CDC20B: variants seen among roughly 807,000 people sequenced by gnomAD.
The protein encoded by CDC20B is cell division cycle protein 20 homolog B.
In CDC20B, 58 loss-of-function variants were observed where a neutral mutation model predicts 64.1. The ratio of observed to expected loss-of-function variants is 0.90; its 90% CI spans 0.73 to 1.13. The LOEUF (loss-of-function observed/expected upper bound fraction) is 1.13, where lower values mean the gene tolerates loss of function less well. Among genes scored for constraint, CDC20B ranks in the 50% most tolerant of loss-of-function variants. CDC20B has a pLI of 0.00. For missense variants in CDC20B, 597 were observed against 633.0 expected, an observed-to-expected ratio of 0.94 and a Z score of 0.61; for synonymous variants, 243 against 230.6, an observed-to-expected ratio of 1.05 and a Z score of -0.49.
intron 8 of CDC20B, among the ~76,000 whole-genome samples, chr5:55,126,798 C>T (rs1271272384): frequency 6.6e-6 from 1 of 152,166 alleles, no homozygotes; most frequent in African/African-American, 2.4e-5. Flanking sequence ...GATTCTGATA[C>T]ATGTTCTAGT....
chr5:55,144,229 G>C (rs1364871093), intron 3 of CDC20B, among the ~76,000 whole-genome samples: 1 of 152,088 alleles, frequency 6.6e-6, no homozygotes, highest in Non-Finnish European at 1.5e-5. Flanking sequence ...GATAGTTTAA[G>C]ATGGCATCAG....
At chr5:55,127,111 G>A in intron 8 of CDC20B, 146 bp downstream of exon 8, 1 of 658,744 alleles carries the variant, frequency 1.5e-6, no homozygotes, top group South Asian at 1.9e-5. Context: ...TACCTGAGAG[G>A]GTGGGATCAT....
rs2111857626 is a variant in CDC20B, at chr5:55,137,991, A to G, written c.580+2323T>C. Among the ~76,000 whole-genome samples the G allele has an allele frequency of 1.3e-5, 2 of 152,200 alleles. 1 individual carries two copies. Among genetic ancestry groups the G allele is most frequent in the South Asian group, 4.2e-4 (2 of 4,816 alleles). On this transcript the variant is annotated intron_variant, in intron 5 of 11. Transcript: ENST00000381375. The stretch of plus-strand genomic sequence containing the variant: ...AGGTGGGTTAGTTAAAAGACTGTCA[A>G]GTTCCCACACATACACACACACCCT...
chr5:55,137,728 G>A (rs1743221276), intron 5 of CDC20B: 1 of 454,838 alleles, frequency 2.2e-6, no homozygotes, highest in Admixed American at 2.4e-5. Flanking sequence ...TTCAACCTAA[G>A]TACAGCAAAT....
In CDC20B at chr5:55,128,339, T is replaced by C. The variant is rs1742944999; in HGVS notation, c.894+82A>G. The C allele has an allele frequency of 1.6e-5, 18 of 1,110,862 alleles. No homozygotes were observed. In the South Asian group the frequency reaches 2.1e-4, roughly 13 times the overall value. 68.8% of individuals were successfully genotyped at this position (1,110,862 alleles called of 1,614,324 possible). ...AGAGCCACACCTAGTTTCTCTATTTTACATTAACTTGTTATTAAAAGTCAA... is the reference window on the plus strand; with the variant it reads ...AGAGCCACACCTAGTTTCTCTATTTCACATTAACTTGTTATTAAAAGTCAA... On this transcript the variant is annotated intron_variant, in intron 7 of 11. Transcript: ENST00000381375.
Position 55,128,558 on chromosome 5 carries a change from C to G in CDC20B, c.757G>C (p.Val253Leu), listed in dbSNP as rs538227599. 1 of 1,601,702 alleles carries G rather than the reference C, an allele frequency of 6.2e-7. No individual in the cohort carries two copies. The highest frequency in any genetic ancestry group is 1.1e-5 in the South Asian group (1 of 88,030). Residue 253 changes from valine (V) to leucine (L), a missense_variant, in exon 7 of 12, where the codon GTA (valine) becomes CTA (leucine). Physicochemically the swap from Val to Leu is conservative, Grantham distance 32. This residue lies in a region of CDC20B where 353 missense variants were observed against 397.0 expected (regional missense o/e 0.89). Coordinates refer to ENST00000381375, the MANE Select transcript of CDC20B (RefSeq NM_001170402.1). Reference protein sequence around the residue: ...NLVAIALGSAVYIWNGENHNG... With the variant: ...NLVAIALGSALYIWNGENHNG... ...TGGTTCTCCCCATTCCAGATGTATA[C>G]AGCAGAGCCCAGGGCTATGGCAACA...
chr5:55,159,329 A>G (rs1185004051), intron 2 of CDC20B, among the ~76,000 whole-genome samples: 1 of 152,056 alleles, frequency 6.6e-6, no homozygotes, highest in African/African-American at 2.4e-5. Context: ...AGTTTTTTCC[A>G]TCTACAGGTT....
chr5:55,124,991 G>A lies in CDC20B; in HGVS notation c.1027C>T (p.Arg343Trp), dbSNP rs368819650. 18 of 1,613,622 alleles carry A rather than the reference G, an allele frequency of 1.1e-5. No homozygotes were observed. Among genetic ancestry groups the A allele is most frequent in the South Asian group, 3.3e-5 (3 of 91,060 alleles). The change falls in exon 9 of 12, where the codon CGG (arginine) becomes TGG (tryptophan). Residue 343 changes from arginine to tryptophan, a missense_variant. By Grantham distance (101) the Arg-to-Trp change is moderately radical (BLOSUM62 -3). Coordinates refer to ENST00000381375, the MANE Select transcript of CDC20B (RefSeq NM_001170402.1). ...RLGRVYHHDV[R>W]VAQHHVGTLR... ...GTTCCAACATGATGCTGGGCTACCCGAACATCGTGATGATAAACACGCCCC... is the reference window on the plus strand; with the variant it reads ...GTTCCAACATGATGCTGGGCTACCCAAACATCGTGATGATAAACACGCCCC...
intron 2 of CDC20B, among the ~76,000 whole-genome samples, chr5:55,159,856 A>G (rs1231583369): frequency 6.6e-6 from 1 of 152,232 alleles, no homozygotes; most frequent in Non-Finnish European, 1.5e-5. Flanking sequence ...ACAGCTTAGC[A>G]TGGGGAATGA....
At position 55,133,441 on chromosome 5, in the gene CDC20B, A is replaced by G. The variant is rs1367374428; in HGVS notation, c.668T>C (p.Ile223Thr). Residue 223 changes from isoleucine (I) to threonine (T), a missense_variant, in exon 6 of 12, where the codon ATT (isoleucine) becomes ACT (threonine). Ile to Thr is a moderately conservative substitution (Grantham distance 89). Coordinates refer to ENST00000381375, the MANE Select transcript of CDC20B (RefSeq NM_001170402.1). ...GTCATTTCGAAGACCAGTAATATGA[A>G]TCTTCACCTCTGGTTGGAGTATGGA... ...NDSILQPEVK[I>T]HITGLRNDYY... 2 of 1,570,882 alleles carry G rather than the reference A, an allele frequency of 1.3e-6. No homozygotes were observed. Among genetic ancestry groups the G allele is most frequent in the East Asian group, 4.5e-5 (2 of 44,230 alleles).
chr5:55,170,068 C>G (rs368209113), intron 2 of CDC20B, among the ~76,000 whole-genome samples: 20 of 151,902 alleles, frequency 1.3e-4, no homozygotes, highest in East Asian at 1.2e-3. Flanking sequence ...GAGCCGAGAT[C>G]GCGCCACTGT....
At chr5:55,140,766 A>AT (rs1393288694) in intron 4 of CDC20B, among the ~76,000 whole-genome samples, 1 of 152,136 alleles carries the variant, frequency 6.6e-6, no homozygotes, top group Non-Finnish European at 1.5e-5. Context: ...GGCCATCTTA[A>AT]GGTCCTTTTT....
At chr5:55,172,873 T>C (rs1056071947) in intron 1 of CDC20B, 65 bp downstream of exon 1, 1 of 1,456,450 alleles carries the variant, frequency 6.9e-7, no homozygotes, top group Admixed American at 2.3e-5. Flanking sequence ...AAACAGATAT[T>C]ATGAACGGGG....
chr5:55,154,552 A>G (rs2111912012), intron 2 of CDC20B, among the ~76,000 whole-genome samples: 1 of 152,234 alleles, frequency 6.6e-6, no homozygotes, highest in South Asian at 2.1e-4. Flanking sequence ...ACCCAAAAGG[A>G]ACTGTCTTCA....
chr5:55,143,898 C>T (rs1411411850), intron 3 of CDC20B, among the ~76,000 whole-genome samples: 1 of 151,712 alleles, frequency 6.6e-6, no homozygotes, highest in Non-Finnish European at 1.5e-5. Flanking sequence ...AATGAGAAAG[C>T]TGTCTCAGTG....
intron 5 of CDC20B, among the ~76,000 whole-genome samples, chr5:55,136,248 A>C (rs1037351228): frequency 4.7e-5 from 7 of 149,032 alleles, no homozygotes; most frequent in Non-Finnish European, 4.5e-5. Context: ...GCCCAGCCCC[A>C]AAAAATATTT....
chr5:55,169,764 T>G (rs892268374), intron 2 of CDC20B, among the ~76,000 whole-genome samples: 1 of 152,208 alleles, frequency 6.6e-6, no homozygotes, highest in African/African-American at 2.4e-5. Context: ...TTCCCTTCAG[T>G]TGGTACACAC....
At position 55,113,217 on chromosome 5, in the gene CDC20B, T is replaced by A. The variant is rs1325540736; in HGVS notation, c.*1001A>T. On this transcript the variant is annotated 3_prime_UTR_variant, in exon 12 of 12. Transcript: ENST00000381375. The stretch of plus-strand genomic sequence containing the variant: ...AAAGTCTTAATATAGGAGATGAATG[T>A]GAATTAACATTCAAAAGACAGAACA... The A allele has an allele frequency of 6.6e-6, 1 of 152,218 alleles. No individual in the cohort carries two copies. Among genetic ancestry groups the A allele is most frequent in the Non-Finnish European group, 1.5e-5 (1 of 68,050 alleles). 9.4% of individuals were successfully genotyped at this position (152,218 alleles called of 1,614,324 possible). A position where few individuals can be genotyped will look rare whatever the true frequency, so the allele number is the denominator to read the frequency against.
Position 55,120,391 on chromosome 5 carries a change from C to A in CDC20B, c.1341+34G>T. On this transcript the variant is annotated intron_variant, in intron 10 of 11. Coordinates refer to ENST00000381375, the MANE Select transcript of CDC20B (RefSeq NM_001170402.1). ...CTATTTTCACAAGATTCCAGAAGATCAAAATGAAGATGAAGCCCAGAGGAG... is the reference window on the plus strand; with the variant it reads ...CTATTTTCACAAGATTCCAGAAGATAAAAATGAAGATGAAGCCCAGAGGAG... 3 of 1,611,716 alleles carry A rather than the reference C, an allele frequency of 1.9e-6. No individual in the cohort carries two copies. The South Asian group carries it at 3.3e-5, about 18-fold the overall frequency.
Sources: gnomAD v4.1 joint callset for allele counts (sites outside exome capture counted in the v4.1 genomes callset) on GRCh38, gnomAD v4.1.1 for gene constraint, gnomAD v4.1.1 regional missense constraint, MANE v1.5 for transcripts, NCBI Gene and HGNC (gene_info 2026-07-23, HGNC 2026-07-21) for gene names.